CACNA1S: variants seen among roughly 807,000 people sequenced by gnomAD.
The protein encoded by CACNA1S is calcium voltage-gated channel subunit alpha1 S.
Under a neutral mutation model 207.4 loss-of-function variants are expected in CACNA1S, and 126 were observed. That is an observed-to-expected ratio of 0.61 (90% confidence interval 0.53 to 0.70). The LOEUF (loss-of-function observed/expected upper bound fraction) is 0.70. CACNA1S is among the 30% of genes least tolerant of loss of function. The pLI, the probability that CACNA1S is intolerant of heterozygous loss-of-function variation, is 0.00. For missense variants in CACNA1S, 2,349 were observed against 2,422.8 expected (o/e 0.97, Z 0.64); for synonymous variants, 960 against 932.7 (o/e 1.03, Z -0.53).
intron 14 of CACNA1S, among the ~76,000 whole-genome samples, 162 bp from the exon 15 acceptor site, chr1:201,073,804 C>T (rs1661503763): frequency 6.6e-6 from 1 of 152,196 alleles, no homozygotes; most frequent in African/African-American, 2.4e-5. Flanking sequence ...TCAGGCAAGT[C>T]CCTTCTCTGT....
At position 201,065,892 on chromosome 1, in the gene CACNA1S, C is replaced by A; in HGVS notation, c.2799G>T (p.Leu933=). ...VAISTIGNIV[L]VTTLLQFMFA... is the part of the protein sequence containing the mutation. The stretch of plus-strand genomic sequence containing the variant: ...ACATGAACTGTAGGAGGGTAGTGAC[C>A]AGCACGATGTTCCCGATGGTGCTGA... The change falls in exon 22 of 44, where the codon CTG becomes CTT. Residue 933 remains leucine (L), a synonymous_variant. Coordinates refer to ENST00000362061, the MANE Select transcript of CACNA1S (RefSeq NM_000069.3). 2.5e-6 allele frequency: 4 copies of A among 1,614,098 alleles called. No homozygotes were observed. The highest frequency in any genetic ancestry group is 8.5e-7 in the Non-Finnish European group (1 of 1,179,984).
intron 19 of CACNA1S, among the ~76,000 whole-genome samples, chr1:201,067,828 C>T (rs891047166): frequency 9.2e-5 from 14 of 152,234 alleles, no homozygotes; most frequent in Non-Finnish European, 1.8e-4. Flanking sequence ...CCATCTCCCT[C>T]TACTCAATTC....
At chr1:201,064,119 C>T (rs1351974480) in intron 22 of CACNA1S, among the ~76,000 whole-genome samples, 1 of 152,176 alleles carries the variant, frequency 6.6e-6, no homozygotes, top group Non-Finnish European at 1.5e-5. Flanking sequence ...GGGAGGGCAG[C>T]GGCTCATTCA....
chr1:201,066,607 A>G lies in CACNA1S; in HGVS notation c.2657+280T>C, dbSNP rs1297612697. On this transcript the variant is annotated intron_variant, in intron 20 of 43. Transcript: ENST00000362061. The surrounding 1 kb of genome is among the most constrained non-coding windows in gnomAD (Gnocchi z 4.3). Reference sequence around the variant, plus strand: ...TCCCGTCAGACGGTGAGCACCCCAAAGGCAGGGGCTGTGCTCCCCACAGGG... The same window carrying G: ...TCCCGTCAGACGGTGAGCACCCCAAGGGCAGGGGCTGTGCTCCCCACAGGG... Among the ~76,000 whole-genome samples the G allele has an allele frequency of 2.0e-5, 3 of 152,090 alleles. No individual in the cohort carries two copies. Among genetic ancestry groups the G allele is most frequent in the Non-Finnish European group, 2.9e-5 (2 of 68,000 alleles).
rs1360109449 is a variant in CACNA1S, at chr1:201,079,043, C to A, written c.1394-939G>T. ...GGCTGAGGCAAGAGAATCGCTTGAA[C>A]CTGGGAGGCGGAGGTTGCAGTGAGC... is the stretch of plus-strand genomic sequence containing the variant. On this transcript the variant is annotated intron_variant, in intron 10 of 43. Coordinates refer to ENST00000362061, the MANE Select transcript of CACNA1S (RefSeq NM_000069.3). Among the ~76,000 whole-genome samples the A allele has an allele frequency of 4.0e-5, 6 of 151,454 alleles. No individual in the cohort carries two copies. The East Asian group carries it at 1.2e-3, about 30-fold the overall frequency.
At chr1:201,062,834 C>T (rs1661111514) in intron 22 of CACNA1S, among the ~76,000 whole-genome samples, 1 of 152,144 alleles carries the variant, frequency 6.6e-6, no homozygotes, top group Non-Finnish European at 1.5e-5. Flanking sequence ...AGGGGATGGA[C>T]ATGAGTGCAG....
chr1:201,083,231 C>T lies in CACNA1S; in HGVS notation c.1324G>A (p.Val442Ile), dbSNP rs572977674. 1.8e-4 allele frequency: 286 copies of T among 1,614,154 alleles called. 1 individual carries two copies. In the South Asian group the frequency reaches 2.6e-3, roughly 15 times the overall value. ...KVFYWLVILI[V>I]ALNTLSIASE... ...GCGATAGACAGGGTGTTGAGGGCAA[C>T]GATGAGAATCACCAGCCAATAGAAG... Residue 442 changes from valine to isoleucine, a missense_variant, in exon 10 of 44, where the codon GTT becomes ATT. Coordinates refer to ENST00000362061, the MANE Select transcript of CACNA1S (RefSeq NM_000069.3).
Position 201,089,415 on chromosome 1 carries a change from G to A in CACNA1S, c.743C>T (p.Thr248Met), listed in dbSNP as rs200665694. The A allele has an allele frequency of 1.6e-4, 262 of 1,614,174 alleles. 1 individual carries two copies. The highest frequency in any genetic ancestry group is 1.7e-4 in the Non-Finnish European group (205 of 1,180,034). ...ENEEPSPCAR[T>M]GSGRRCTING... ...GATGGTGCACCGGCGCCCTGAGCCCGTCCTGGCGCAGGGCGATGGCTCTTC... is the reference window on the plus strand; with the variant it reads ...GATGGTGCACCGGCGCCCTGAGCCCATCCTGGCGCAGGGCGATGGCTCTTC... The change falls in exon 6 of 44, where the codon ACG (threonine) becomes ATG (methionine). Residue 248 changes from threonine (T) to methionine (M), a missense_variant. Transcript: ENST00000362061.
Position 201,087,948 on chromosome 1 carries a change from T to C in CACNA1S, c.901-19A>G, listed in dbSNP as rs778141559. ...CATTGACCTGGTCAGGACAGAAGTG[T>C]GATCCTCTGAGTTGAGGGCTTGGTT... On this transcript the variant is annotated intron_variant, in intron 6 of 43. Coordinates refer to ENST00000362061, the MANE Select transcript of CACNA1S (RefSeq NM_000069.3). 4.6e-6 allele frequency: 7 copies of C among 1,534,078 alleles called. No individual in the cohort carries two copies. The Admixed American group carries it at 8.4e-5, about 18-fold the overall frequency.
At chr1:201,093,189 G>A (rs953607375) in intron 3 of CACNA1S, among the ~76,000 whole-genome samples, 1 of 152,230 alleles carries the variant, frequency 6.6e-6, no homozygotes, top group African/African-American at 2.4e-5. Flanking sequence ...GAATGTGGTT[G>A]TATTTGGAGA....
Position 201,075,608 on chromosome 1 carries a change from G to A in CACNA1S, c.1835C>T (p.Thr612Ile). Reference sequence around the variant, plus strand: ...CATCATTGAGGTCCAGTCTTCCCCTGTCAGTACCTGTATGGAGGGAGGATA... The same window carrying A: ...CATCATTGAGGTCCAGTCTTCCCCTATCAGTACCTGTATGGAGGGAGGATA... ...QALISVFQVLTGEDWTSMMYN... is the reference protein window; with the variant it reads ...QALISVFQVLIGEDWTSMMYN... Residue 612 changes from threonine to isoleucine, a missense_variant, in exon 13 of 44, where the codon ACA becomes ATA. Transcript: ENST00000362061. 1 of 1,614,092 alleles carries A rather than the reference G, an allele frequency of 6.2e-7. No individual in the cohort carries two copies. Among genetic ancestry groups the A allele is most frequent in the Non-Finnish European group, 8.5e-7 (1 of 1,179,912 alleles).
At chr1:201,042,281 T>C (rs953958584) in intron 40 of CACNA1S, among the ~76,000 whole-genome samples, 12 of 152,202 alleles carry the variant, frequency 7.9e-5, no homozygotes, top group Non-Finnish European at 1.5e-4. Context: ...ATTTCAGGCA[T>C]GCGCCACCAC....
At chr1:201,074,174 G>A (rs1356516936) in intron 14 of CACNA1S, among the ~76,000 whole-genome samples, 2 of 152,112 alleles carry the variant, frequency 1.3e-5, no homozygotes, top group Non-Finnish European at 2.9e-5. Flanking sequence ...CTCCAACCCC[G>A]CCCAGAGGCA....
At position 201,060,786 on chromosome 1, in the gene CACNA1S, G is replaced by A. The variant is rs781178565; in HGVS notation, c.3286C>T (p.Arg1096Cys). The A allele has an allele frequency of 3.4e-5, 55 of 1,614,062 alleles. No individual in the cohort carries two copies. Among genetic ancestry groups the A allele is most frequent in the East Asian group, 4.5e-5 (2 of 44,880 alleles). Residue 1096 changes from arginine to cysteine, a missense_variant, in exon 26 of 44, where the codon CGC becomes TGC. By Grantham distance (180) the Arg-to-Cys change is radical (BLOSUM62 -3). Transcript: ENST00000362061. ...TTGGGAATGTAGCACCTCAGTGGGC[G>A]GGCCTTCAGGGCATACTGTACACAT... is the stretch of plus-strand genomic sequence containing the variant. Reference protein sequence around the residue: ...RQCVQYALKARPLRCYIPKNP... With the variant: ...RQCVQYALKACPLRCYIPKNP...
intron 2 of CACNA1S, among the ~76,000 whole-genome samples, chr1:201,107,356 T>G (rs1662931334): frequency 6.6e-6 from 1 of 152,190 alleles, no homozygotes; most frequent in South Asian, 2.1e-4. Context: ...AAGACTAGCT[T>G]AGGTTCTCTG....
intron 26 of CACNA1S, among the ~76,000 whole-genome samples, chr1:201,060,211 G>C (rs888541291): frequency 2.0e-5 from 3 of 152,166 alleles, no homozygotes; most frequent in African/African-American, 7.2e-5. Context: ...ATCGAGGCTT[G>C]ATAACGATGC....
chr1:201,040,597 G>T (rs749222667), intron 42 of CACNA1S, 25 bp downstream of exon 42: 2 of 1,601,000 alleles, frequency 1.2e-6, no homozygotes, highest in East Asian at 4.5e-5. Context: ...TATGGAGTTT[G>T]CTCCCAGGCC....
chr1:201,070,411 G>A lies in CACNA1S; in HGVS notation c.2228-7C>T. ...TCATCTTCCTCGTCATCCCCTGTGG[G>A]GAGAGAGAGAGGAATTAGGGGTGTC... On this transcript the variant is annotated splice_polypyrimidine_tract_variant and splice_region_variant and intron_variant, in intron 16 of 43. Transcript: ENST00000362061. 1 of 1,613,708 alleles carries A rather than the reference G, an allele frequency of 6.2e-7. No homozygotes were observed. The highest frequency in any genetic ancestry group is 8.5e-7 in the Non-Finnish European group (1 of 1,179,914).
chr1:201,066,159 T>C lies in CACNA1S; in HGVS notation c.2745+70A>G. The C allele has an allele frequency of 6.9e-7, 1 of 1,457,634 alleles. No individual in the cohort carries two copies. The highest frequency in any genetic ancestry group is 1.7e-5 in the Admixed American group (1 of 59,514). The allele number at this position is 1,457,634 out of a possible 1,614,324, so 90.3% of individuals were successfully genotyped here. On this transcript the variant is annotated intron_variant, in intron 21 of 43. Transcript: ENST00000362061. The surrounding 1 kb of genome is among the most constrained non-coding windows in gnomAD (Gnocchi z 4.3). ...GTCCCAGCCATGGCTGGGCTGAGGT[T>C]TCTGGAGCGAGGAGGCCCCTGTAAC...
Sources: gnomAD v4.1 joint callset for allele counts (sites outside exome capture counted in the v4.1 genomes callset) on GRCh38, gnomAD v4.1.1 for gene constraint, Gnocchi (gnomAD v3.1) non-coding constraint, MANE v1.5 for transcripts, NCBI Gene and HGNC (gene_info 2026-07-23, HGNC 2026-07-21) for gene names.